The following PIF1 variants were observed in gnomAD, a reference collection of about 807,000 sequenced individuals.
PIF1 encodes the protein PIF1 5'-to-3' DNA helicase.
A neutral mutation model predicts 62.3 loss-of-function variants in PIF1; 67 were observed. The ratio of observed to expected loss-of-function variants is 1.08; its 90% confidence interval spans 0.88 to 1.32. PIF1 has a LOEUF of 1.32. Among genes scored for constraint, PIF1 ranks in the 40% most tolerant of loss-of-function variants. The pLI is 0.00. For synonymous variants in PIF1, 364 were observed against 379.5 expected, an observed-to-expected ratio of 0.96 and a Z score of 0.47; for missense variants, 886 against 866.1, an observed-to-expected ratio of 1.02 and a Z score of -0.29.
At chr15:64,823,129 C>T in intron 2 of PIF1, 1 of 162,394 alleles carries the variant, frequency 6.2e-6, no homozygotes, top group Non-Finnish European at 1.3e-5. Context: ...TGTTGGCTGC[C>T]CAGGACACGA....
chr15:64,825,351 T>C (rs2084354346), intron 1 of PIF1, among the ~76,000 whole-genome samples: 1 of 152,140 alleles, frequency 6.6e-6, no homozygotes, highest in Admixed American at 6.6e-5. Context: ...GGAAACTCAC[T>C]TGCCCTTCAT....
At chr15:64,826,665 T>TATATATATATACACACAC (rs796684934), upstream of PIF1, among the ~76,000 whole-genome samples, 5 of 42,800 alleles carry the variant, frequency 1.2e-4, no homozygotes, top group Non-Finnish European at 1.7e-4. Flanking sequence ...TATATATATA[T>TATATATATATACACACAC]ACACACACAC....
At chr15:64,817,571 A>T (rs1279497405) in intron 11 of PIF1, among the ~76,000 whole-genome samples, 3 of 151,408 alleles carry the variant, frequency 2.0e-5, no homozygotes, top group Non-Finnish European at 2.9e-5. Context: ...TAAAATAAAA[A>T]AAGACACATA....
chr15:64,822,503 C>G lies in PIF1; in HGVS notation c.666G>C (p.Gln222His), dbSNP rs761354683. 6.2e-7 allele frequency: 1 copy of G among 1,614,012 alleles called. No individual in the cohort carries two copies. The highest frequency in any genetic ancestry group is 8.5e-7 in the Non-Finnish European group (1 of 1,180,024). The stretch of plus-strand genomic sequence containing the variant: ...CTGCACTCCCAGTGAAGAAGATGCT[C>G]TGGCCTTTCAGGACGGCCCTCAGCA... ...AAVLRAVLKG[Q>H]SIFFTGSAGT... Residue 222 changes from glutamine to histidine, a missense_variant, in exon 3 of 13, where the codon CAG becomes CAC. By Grantham distance (24) the Gln-to-His change is conservative. Transcript: ENST00000559239.
chr15:64,823,902 C>T lies in PIF1; in HGVS notation c.434G>A (p.Arg145His), dbSNP rs763549463. 1.5e-6 allele frequency: 2 copies of T among 1,363,910 alleles called. No individual in the cohort carries two copies. The highest frequency in any genetic ancestry group is 3.0e-5 in the African/African-American group (2 of 66,704). The allele number at this position is 1,363,910 out of a possible 1,614,324, so 84.5% of individuals were successfully genotyped here. A position where few individuals can be genotyped will look rare whatever the true frequency, so the allele number is the denominator to read the frequency against. Residue 145 changes from arginine (R) to histidine (H), a missense_variant, in exon 2 of 13, where the codon CGC becomes CAC. Coordinates refer to ENST00000559239, the MANE Select transcript of PIF1 (RefSeq NM_001286496.2). ...CACAGGGCTGATGGTGACGAAGTCG[C>T]GGGGCCGCGGGCCCAGCAGCTGCGC... ...ARAQLLGPRP[R>H]DFVTISPVQP...
rs1001747714 is a variant in PIF1 at position 64,820,074 on chromosome 15, T to C, written c.1194-88A>G. On this transcript the variant is annotated intron_variant, in intron 7 of 12. Transcript: ENST00000559239. ...GCAGGATGGCTCAAGCAGCAGGCCA[T>C]GGGTCAGGCCTTGGGACTGGAAGAG... 12 of 1,515,366 alleles carry C rather than the reference T, an allele frequency of 7.9e-6. No homozygotes were observed. The South Asian group carries it at 1.5e-4, about 19-fold the overall frequency. 93.9% of individuals were successfully genotyped at this position (1,515,366 alleles called of 1,614,324 possible).
intron 1 of PIF1, 94 bp from the exon 2 acceptor site, chr15:64,824,448 G>C: frequency 4.7e-6 from 4 of 849,860 alleles, no homozygotes; most frequent in Non-Finnish European, 4.7e-6. Context: ...GACGTGACAG[G>C]GAGCAGGGTC....
Position 64,822,505 on chromosome 15 carries a change from G to A in PIF1, c.664C>T (p.Gln222Ter), listed in dbSNP as rs1424214015. Reference protein sequence around the residue: ...AAVLRAVLKGQSIFFTGSAGT... With the variant: ...AAVLRAVLKG ...GCACTCCCAGTGAAGAAGATGCTCT[G>A]GCCTTTCAGGACGGCCCTCAGCACA... The change falls in exon 3 of 13, where the codon CAG becomes TAG. Residue 222 changes from glutamine (Q) to a stop codon, truncating the protein, a stop_gained. Coordinates refer to ENST00000559239, the MANE Select transcript of PIF1 (RefSeq NM_001286496.2). LOFTEE classifies it high-confidence loss of function. 1.2e-6 allele frequency: 2 copies of A among 1,613,530 alleles called. No individual in the cohort carries two copies. Among genetic ancestry groups the A allele is most frequent in the Non-Finnish European group, 1.7e-6 (2 of 1,179,972 alleles).
chr15:64,818,365 T>A (rs1377412243), intron 9 of PIF1, 21 bp from the exon 10 acceptor site: 2 of 1,612,070 alleles, frequency 1.2e-6, no homozygotes, highest in South Asian at 2.2e-5. Context: ...GAGAGAGGAA[T>A]GGACAGCAGC....
At chr15:64,826,661 T>TAC (rs1193183451), upstream of PIF1, among the ~76,000 whole-genome samples, 579 of 26,508 alleles carry the variant, frequency 0.022, 20 homozygotes, top group Non-Finnish European at 0.035. Context: ...TATATATATA[T>TAC]ATATACACAC....
rs1435174648 is a variant in PIF1 at position 64,815,730 on chromosome 15, C to G, written c.*568G>C. 6.4e-7 allele frequency: 1 copy of G among 1,550,478 alleles called. No homozygotes were observed. The highest frequency in any genetic ancestry group is 2.0e-5 in the Admixed American group (1 of 50,968). ...CACTATTTATCCCCTGAAAAAGCAGCTTAAAATATGGGTGCACATTTTGCA... is the reference window on the plus strand; with the variant it reads ...CACTATTTATCCCCTGAAAAAGCAGGTTAAAATATGGGTGCACATTTTGCA... On this transcript the variant is annotated 3_prime_UTR_variant, in exon 13 of 13. Transcript: ENST00000559239.
intron 8 of PIF1, among the ~76,000 whole-genome samples, chr15:64,819,484 TTTTTAG>T: frequency 6.6e-6 from 1 of 152,146 alleles, no homozygotes; most frequent in African/African-American, 2.4e-5. Flanking sequence ...TTTTTTTCTA[TTTTTAG>T]TAGAGATGGG....
Position 64,821,402 on chromosome 15 carries a change from C to T in PIF1, c.936G>A (p.Glu312=), listed in dbSNP as rs2084285543. The change falls in exon 5 of 13, where the codon GAG becomes GAA. Residue 312 remains glutamate, a synonymous_variant. Coordinates refer to ENST00000559239, the MANE Select transcript of PIF1 (RefSeq NM_001286496.2). The stretch of plus-strand genomic sequence containing the variant: ...CCTCCAGTTTGTCAAACAGGTCTGC[C>T]TCCACCATTGAGATCTCGTCAATGA... The part of the protein sequence containing the change: ...RLVIDEISMV[E]ADLFDKLEAV... 2 of 1,614,190 alleles carry T rather than the reference C, an allele frequency of 1.2e-6. No individual in the cohort carries two copies. Among genetic ancestry groups the T allele is most frequent in the South Asian group, 1.1e-5 (1 of 91,084 alleles).
intron 1 of PIF1, 30 bp from the exon 2 acceptor site, chr15:64,824,384 G>A (rs1179317451): frequency 9.8e-6 from 12 of 1,230,136 alleles, no homozygotes; most frequent in Non-Finnish European, 1.1e-5. Flanking sequence ...CAGGGGTCAT[G>A]AGGATTCATG....
Position 64,816,507 on chromosome 15 carries a change from C to T in PIF1, c.1866+67G>A, listed in dbSNP as rs115033332. The T allele has an allele frequency of 8.3e-4, 1,327 of 1,596,746 alleles. 20 individuals are homozygous for T. In the African/African-American group the frequency reaches 0.016, roughly 19 times the overall value. ...CCCACCCCAGGTCCCACTGGGCCGG[C>T]GCTCCCTCTGTCCTAGCTCCCACCC... On this transcript the variant is annotated intron_variant, in intron 12 of 12. Transcript: ENST00000559239.
rs771173647 is a variant in PIF1, at chr15:64,824,316, G to C, written c.20C>G (p.Ala7Gly). Reference sequence around the variant, plus strand: ...CGAGTCCTCATATTCCCCTGCCGCCGCCTCTATGCCCGAGAGCATCGTCAC... The same window carrying C: ...CGAGTCCTCATATTCCCCTGCCGCCCCCTCTATGCCCGAGAGCATCGTCAC... MLSGIE[A>G]AAGEYEDSEL... is the part of the protein sequence containing the mutation. The change falls in exon 2 of 13, where the codon GCG becomes GGG. Residue 7 changes from alanine (A) to glycine (G), a missense_variant. By Grantham distance (60) the Ala-to-Gly change is moderately conservative. Coordinates refer to ENST00000559239, the MANE Select transcript of PIF1 (RefSeq NM_001286496.2). The C allele has an allele frequency of 3.2e-6, 4 of 1,255,720 alleles. No individual in the cohort carries two copies. The South Asian group carries it at 1.3e-4, about 40-fold the overall frequency. 77.8% of individuals were successfully genotyped at this position (1,255,720 alleles called of 1,614,324 possible). A position where few individuals can be genotyped will look rare whatever the true frequency, so the allele number is the denominator to read the frequency against.
Position 64,822,612 on chromosome 15 carries a change from T to TG in PIF1, c.559-3dup, listed in dbSNP as rs759421124. On this transcript the variant is annotated splice_polypyrimidine_tract_variant and splice_region_variant and intron_variant, in intron 2 of 12. Transcript: ENST00000559239. ...AGGCAGGGGCCACCTTGGGGCTTCC[T>TG]GGGGGGAACAGAGCTATCTCAGAGC... The TG allele has an allele frequency of 2.5e-6, 4 of 1,613,556 alleles. No homozygotes were observed. The South Asian group carries it at 3.3e-5, about 13-fold the overall frequency.
chr15:64,819,806 T>C (rs919394623), intron 8 of PIF1, 41 bp downstream of exon 8: 1 of 1,607,372 alleles, frequency 6.2e-7, no homozygotes, highest in Non-Finnish European at 8.5e-7. Context: ...TGCTTATAAC[T>C]CTTCCCAGCT....
chr15:64,816,501 G>C lies in PIF1; in HGVS notation c.1866+73C>G. 3.1e-6 allele frequency: 5 copies of C among 1,595,894 alleles called. No individual in the cohort carries two copies. In the Admixed American group the frequency reaches 8.7e-5, roughly 28 times the overall value. On this transcript the variant is annotated intron_variant, in intron 12 of 12. Coordinates refer to ENST00000559239, the MANE Select transcript of PIF1 (RefSeq NM_001286496.2). ...TCTGCCCCCACCCCAGGTCCCACTG[G>C]GCCGGCGCTCCCTCTGTCCTAGCTC...
Sources: gnomAD v4.1 joint callset for allele counts (sites outside exome capture counted in the v4.1 genomes callset) on GRCh38, gnomAD v4.1.1 for gene constraint, MANE v1.5 for transcripts, NCBI Gene and HGNC (gene_info 2026-07-23, HGNC 2026-07-21) for gene names.